The following INPP4B variants were observed in gnomAD, a reference collection of about 807,000 sequenced individuals.
INPP4B encodes inositol polyphosphate 4-phosphatase type II.
A neutral mutation model predicts 122.5 loss-of-function variants in INPP4B; 55 were observed. The observed-to-expected ratio is 0.45, with a 90% CI of 0.36 to 0.56. The LOEUF (loss-of-function observed/expected upper bound fraction) is 0.56. Ranked by LOEUF, INPP4B falls within the 20% of genes least tolerant of loss-of-function variation. The pLI, the probability that INPP4B is intolerant of heterozygous loss-of-function variation, is 0.00. For synonymous variants in INPP4B, 403 were observed against 388.7 expected (o/e 1.04, Z -0.43); for missense variants, 1,000 against 1,097.7 (o/e 0.91, Z 1.26).
At chr4:142,579,857 G>GGATAGATAGATA (rs10541845) in intron 2 of INPP4B, among the ~76,000 whole-genome samples, 4 of 130,554 alleles carry the variant, frequency 3.1e-5, no homozygotes, top group African/African-American at 1.2e-4. Flanking sequence ...TTGGATGAAT[G>GGATAGATAGATA]GATAGATAGA....
intron 2 of INPP4B, among the ~76,000 whole-genome samples, chr4:142,677,294 T>C (rs1757955005): frequency 2.0e-5 from 3 of 152,124 alleles, no homozygotes; most frequent in South Asian, 4.1e-4. Flanking sequence ...CACAATGAGA[T>C]ACTATCCCAT....
intron 7 of INPP4B, among the ~76,000 whole-genome samples, chr4:142,331,430 G>A (rs2627814): frequency 0.49 from 74,030 of 151,904 alleles, 18,130 homozygotes; most frequent in Non-Finnish European, 0.52. Flanking sequence ...CTGTGAACCT[G>A]GCTGCAACTG....
chr4:142,105,066 T>C (rs1786331392), intron 23 of INPP4B, among the ~76,000 whole-genome samples: 1 of 152,158 alleles, frequency 6.6e-6, no homozygotes, highest in Non-Finnish European at 1.5e-5. Context: ...ATGTGGCCTC[T>C]TTCTCTGTAA....
intron 7 of INPP4B, among the ~76,000 whole-genome samples, chr4:142,376,346 T>C (rs532220194): frequency 1.3e-5 from 2 of 151,982 alleles, no homozygotes; most frequent in Non-Finnish European, 2.9e-5. Context: ...AGATGTCAGT[T>C]CTTCTACACT....
At chr4:142,297,056 GCAAC>G (rs1759045168) in intron 9 of INPP4B, among the ~76,000 whole-genome samples, 1 of 152,108 alleles carries the variant, frequency 6.6e-6, no homozygotes, top group East Asian at 1.9e-4. Flanking sequence ...AAATGAATCA[GCAAC>G]CTCTAAAAGC....
chr4:142,449,222 A>C (rs1813604682), intron 3 of INPP4B, among the ~76,000 whole-genome samples: 1 of 152,188 alleles, frequency 6.6e-6, no homozygotes, highest in Admixed American at 6.5e-5. Flanking sequence ...TCTCCTCTTT[A>C]CCGCGAGGAA....
intron 5 of INPP4B, among the ~76,000 whole-genome samples, chr4:142,417,782 A>T (rs943266847): frequency 4.6e-5 from 7 of 152,128 alleles, no homozygotes; most frequent in African/African-American, 1.7e-4. Flanking sequence ...AGGCGGTATC[A>T]GGATCCAAAG....
At chr4:142,508,106 G>C (rs892302520) in intron 2 of INPP4B, among the ~76,000 whole-genome samples, 3 of 152,076 alleles carry the variant, frequency 2.0e-5, no homozygotes, top group Admixed American at 6.6e-5. Context: ...ACATCCTCAA[G>C]GATCTAGGGG....
chr4:142,030,053 A>C, intron 25 of INPP4B: 1 of 1,388,818 alleles, frequency 7.2e-7, no homozygotes, highest in Non-Finnish European at 9.4e-7. Context: ...AAAATGTAAA[A>C]ATATTACAGC....
chr4:142,581,419 G>A (rs1011946477), intron 2 of INPP4B, among the ~76,000 whole-genome samples: 5 of 151,884 alleles, frequency 3.3e-5, no homozygotes, highest in African/African-American at 9.7e-5. Context: ...TGATATACTA[G>A]CTTTCAAATC....
chr4:142,615,963 A>G (rs1743598999), intron 2 of INPP4B, among the ~76,000 whole-genome samples: 1 of 152,164 alleles, frequency 6.6e-6, no homozygotes, highest in Non-Finnish European at 1.5e-5. Flanking sequence ...AGTCATATAC[A>G]AAATATGAGA....
chr4:142,766,976 T>C (rs1656920159), intron 1 of INPP4B: 1 of 152,194 alleles, frequency 6.6e-6, no homozygotes, highest in Non-Finnish European at 1.5e-5. Flanking sequence ...AAACTCTTTA[T>C]CTTACACAAT....
At chr4:142,535,435 C>T (rs1828072512) in intron 2 of INPP4B, among the ~76,000 whole-genome samples, 5 of 152,162 alleles carry the variant, frequency 3.3e-5, no homozygotes, top group Admixed American at 3.3e-4. Context: ...TTAGACTTTC[C>T]TTGGGAGGAT....
intron 25 of INPP4B, among the ~76,000 whole-genome samples, chr4:142,042,512 GTGTGTGTATGTATGTA>G (rs1219134417): frequency 1.6e-3 from 76 of 46,382 alleles, no homozygotes; most frequent in East Asian, 3.3e-3. Flanking sequence ...CAATTTATGT[GTGTGTGTATGTATGTA>G]TGTATGTATG....
chr4:142,276,852 G>A (rs963174467), intron 9 of INPP4B, among the ~76,000 whole-genome samples: 1 of 151,810 alleles, frequency 6.6e-6, no homozygotes, highest in Non-Finnish European at 1.5e-5. Flanking sequence ...CCTTCCTCAT[G>A]ACACTATTAA....
At chr4:142,049,047 C>A (rs1324938123) in intron 25 of INPP4B, among the ~76,000 whole-genome samples, 1 of 151,860 alleles carries the variant, frequency 6.6e-6, no homozygotes, top group Non-Finnish European at 1.5e-5. Flanking sequence ...TGGGCAGTGA[C>A]AGAATAAGAG....
chr4:142,556,081 C>A (rs1252985213), intron 2 of INPP4B, among the ~76,000 whole-genome samples: 1 of 152,032 alleles, frequency 6.6e-6, no homozygotes, highest in Non-Finnish European at 1.5e-5. Flanking sequence ...AGGTAAGAAA[C>A]TGAGGCTCAG....
intron 7 of INPP4B, among the ~76,000 whole-genome samples, chr4:142,325,124 G>A (rs1444454351): frequency 1.3e-5 from 2 of 152,130 alleles, no homozygotes; most frequent in African/African-American, 4.8e-5. Flanking sequence ...TTTCAAACAT[G>A]TGATTTTTGC....
intron 25 of INPP4B, among the ~76,000 whole-genome samples, chr4:142,069,581 C>T (rs180903546): frequency 2.6e-5 from 4 of 152,014 alleles, no homozygotes; most frequent in East Asian, 1.9e-4. Flanking sequence ...ATTGATAGAT[C>T]GCTAGCAAGA....
Sources: gnomAD v4.1 joint callset for allele counts (sites outside exome capture counted in the v4.1 genomes callset) on GRCh38, gnomAD v4.1.1 for gene constraint, MANE v1.5 for transcripts, NCBI Gene and HGNC (gene_info 2026-07-23, HGNC 2026-07-21) for gene names.